Variants in NR1I2 observed in about 807,000 individuals in gnomAD.
The protein encoded by NR1I2 is orphan nuclear receptor PAR1.
In NR1I2, 42 loss-of-function variants were observed where a neutral mutation model predicts 43.3. The observed-to-expected ratio is 0.97, with a 90% CI of 0.76 to 1.26. NR1I2 has a LOEUF of 1.26. Among genes scored for constraint, NR1I2 ranks in the 50% most tolerant of loss-of-function variants. NR1I2 has a pLI of 0.00. For synonymous variants in NR1I2, 229 were observed against 215.0 expected, an observed-to-expected ratio of 1.06 and a Z score of -0.57; for missense variants, 559 against 566.7, an observed-to-expected ratio of 0.99 and a Z score of 0.14.
At chr3:119,786,470 C>T (rs4234666) in intron 1 of NR1I2, among the ~76,000 whole-genome samples, 1 of 152,092 alleles carries the variant, frequency 6.6e-6, no homozygotes, top group African/African-American at 2.4e-5. Context: ...ATCCAAATCC[C>T]TCATGTAATG....
chr3:119,797,247 C>A (rs2055014228), intron 1 of NR1I2, among the ~76,000 whole-genome samples: 1 of 148,562 alleles, frequency 6.7e-6, no homozygotes, highest in South Asian at 2.1e-4. Context: ...AGTCCTAATG[C>A]TCCTCCATTA....
rs1485413302 is a variant in NR1I2 at position 119,817,060 on chromosome 3, G to C, written c.1161-8G>C. 6.2e-7 allele frequency: 1 copy of C among 1,614,038 alleles called. No homozygotes were observed. The highest frequency in any genetic ancestry group is 8.5e-7 in the Non-Finnish European group (1 of 1,180,024). On this transcript the variant is annotated splice_region_variant and splice_polypyrimidine_tract_variant and intron_variant, in intron 8 of 8. Transcript: ENST00000393716. ...GCACCCACAATCTTTTCTCTGGCTG[G>C]CATGCAGGTTCTTGTTCCTGAAGAT...
At position 119,815,320 on chromosome 3, in the gene NR1I2, C is replaced by T. The variant is rs749815351; in HGVS notation, c.938-3C>T. The T allele has an allele frequency of 3.2e-5, 52 of 1,612,560 alleles. No homozygotes were observed. The highest frequency in any genetic ancestry group is 4.3e-5 in the Non-Finnish European group (51 of 1,178,734). On this transcript the variant is annotated splice_region_variant and splice_polypyrimidine_tract_variant and intron_variant, in intron 6 of 8. Coordinates refer to ENST00000393716, the MANE Select transcript of NR1I2 (RefSeq NM_003889.4). Reference sequence around the variant, plus strand: ...TGCCCCTCCATCCTGTTACCATCCACAGGTGGCTTCCAGCAACTTCTACTG... The same window carrying T: ...TGCCCCTCCATCCTGTTACCATCCATAGGTGGCTTCCAGCAACTTCTACTG...
At chr3:119,789,806 A>G (rs2054892508) in intron 1 of NR1I2, among the ~76,000 whole-genome samples, 1 of 152,080 alleles carries the variant, frequency 6.6e-6, no homozygotes. Flanking sequence ...CCAGTCTACT[A>G]TTTTGGCTTC....
chr3:119,786,278 C>G (rs1164378102), intron 1 of NR1I2, among the ~76,000 whole-genome samples: 10 of 152,172 alleles, frequency 6.6e-5, no homozygotes, highest in Non-Finnish European at 1.5e-4. Context: ...ATATTGGTGT[C>G]CTGGGCACAA....
intron 8 of NR1I2, among the ~76,000 whole-genome samples, chr3:119,816,571 A>G (rs980237707): frequency 2.0e-5 from 3 of 152,192 alleles, no homozygotes; most frequent in African/African-American, 7.2e-5. Context: ...CTATAATCCC[A>G]GCACTTTGAG....
chr3:119,815,305 T>G lies in NR1I2; in HGVS notation c.938-18T>G. ...AGCTTGCTGAGAAGCTGCCCCTCCA[T>G]CCTGTTACCATCCACAGGTGGCTTC... On this transcript the variant is annotated intron_variant, in intron 6 of 8. Transcript: ENST00000393716. The G allele has an allele frequency of 1.2e-6, 2 of 1,605,002 alleles. No homozygotes were observed. Among genetic ancestry groups the G allele is most frequent in the South Asian group, 1.1e-5 (1 of 90,896 alleles).
In NR1I2 at chr3:119,793,902, A is replaced by G. The variant is rs2054957121; in HGVS notation, c.-23+11602A>G. ...TTATGACATTTTTCTGAATTCTGTGATGTTGTTACTTGTCCTTTTTAATGT... is the reference window on the plus strand; with the variant it reads ...TTATGACATTTTTCTGAATTCTGTGGTGTTGTTACTTGTCCTTTTTAATGT... On this transcript the variant is annotated intron_variant, in intron 1 of 8. Coordinates refer to ENST00000393716, the MANE Select transcript of NR1I2 (RefSeq NM_003889.4). Among the ~76,000 whole-genome samples, 3 of 152,246 alleles carry G rather than the reference A, an allele frequency of 2.0e-5. 1 individual carries two copies. Among genetic ancestry groups the G allele is most frequent in the South Asian group, 2.1e-4 (1 of 4,826 alleles).
intron 2 of NR1I2, among the ~76,000 whole-genome samples, chr3:119,807,795 A>C (rs1413530791): frequency 2.6e-5 from 4 of 152,240 alleles, no homozygotes; most frequent in African/African-American, 9.6e-5. Flanking sequence ...AGAATGGCAT[A>C]AAATAAATGC....
intron 1 of NR1I2, among the ~76,000 whole-genome samples, chr3:119,783,475 T>C (rs2054805266): frequency 6.6e-6 from 1 of 152,126 alleles, no homozygotes; most frequent in Admixed American, 6.5e-5. Flanking sequence ...AAAGAGACAG[T>C]ATGGCCCACA....
chr3:119,800,480 T>C (rs1032882053), intron 1 of NR1I2, among the ~76,000 whole-genome samples: 3 of 152,256 alleles, frequency 2.0e-5, no homozygotes, highest in Non-Finnish European at 4.4e-5. Flanking sequence ...TTATGGGTCT[T>C]TTACTTTTCC....
chr3:119,791,829 C>A, intron 1 of NR1I2: 1 of 530,542 alleles, frequency 1.9e-6, no homozygotes, highest in South Asian at 1.5e-5. Flanking sequence ...ACATAGCTGC[C>A]AAGTGTTTGA....
chr3:119,786,224 C>T lies in NR1I2; in HGVS notation c.-23+3924C>T, dbSNP rs921840026. ...ATTCAAATTCTTAGTGTGGTTGCCA[C>T]GTTCTGTTTGTTGAGCCATCAGACT... On this transcript the variant is annotated intron_variant, in intron 1 of 8. Coordinates refer to ENST00000393716, the MANE Select transcript of NR1I2 (RefSeq NM_003889.4). Among the ~76,000 whole-genome samples the T allele has an allele frequency of 5.3e-5, 8 of 152,236 alleles. No individual in the cohort carries two copies. In the South Asian group the frequency reaches 1.2e-3, roughly 24 times the overall value.
intron 1 of NR1I2, among the ~76,000 whole-genome samples, chr3:119,801,757 C>T (rs529518877): frequency 6.6e-5 from 10 of 152,178 alleles, no homozygotes; most frequent in Non-Finnish European, 1.5e-4. Flanking sequence ...GGACCTTGGC[C>T]AAGGCTGCAG....
intron 1 of NR1I2, among the ~76,000 whole-genome samples, chr3:119,789,682 C>T (rs1052734130): frequency 6.6e-6 from 1 of 152,118 alleles, no homozygotes; most frequent in African/African-American, 2.4e-5. Context: ...GCTGCTTCTC[C>T]TCCTCACAAC....
rs778422709 is a variant in NR1I2, at chr3:119,817,145, G to A, written c.1238G>A (p.Arg413His). 1.5e-5 allele frequency: 25 copies of A among 1,614,138 alleles called. No individual in the cohort carries two copies. The highest frequency in any genetic ancestry group is 7.7e-5 in the South Asian group (7 of 91,080). Reference sequence around the variant, plus strand: ...GCTCAGCACACCCAGCGGCTGCTGCGCATCCAGGACATACACCCCTTTGCT... The same window carrying A: ...GCTCAGCACACCCAGCGGCTGCTGCACATCCAGGACATACACCCCTTTGCT... Residue 413 changes from arginine to histidine, a missense_variant, in exon 9 of 9, where the codon CGC (arginine) becomes CAC (histidine). This residue lies in a region of NR1I2 where 323 missense variants were observed against 312.2 expected (regional missense o/e 1.03). Coordinates refer to ENST00000393716, the MANE Select transcript of NR1I2 (RefSeq NM_003889.4).
In NR1I2 at chr3:119,817,563, G is replaced by T; in HGVS notation, c.*351G>T. 2 of 1,187,986 alleles carry T rather than the reference G, an allele frequency of 1.7e-6. No individual in the cohort carries two copies. The highest frequency in any genetic ancestry group is 1.8e-5 in the South Asian group (1 of 55,806). 73.6% of individuals were successfully genotyped at this position (1,187,986 alleles called of 1,614,324 possible). A position where few individuals can be genotyped will look rare whatever the true frequency, so the allele number is the denominator to read the frequency against. ...CCACTAAAGTGTCAAGGTGTGGAAG[G>T]GACCAAGCGACCAAGGATGGGCCAT... On this transcript the variant is annotated 3_prime_UTR_variant, in exon 9 of 9. Coordinates refer to ENST00000393716, the MANE Select transcript of NR1I2 (RefSeq NM_003889.4).
rs185311824 is a variant in NR1I2 at position 119,783,726 on chromosome 3, C to G, written c.-23+1426C>G. On this transcript the variant is annotated intron_variant, in intron 1 of 8. Coordinates refer to ENST00000393716, the MANE Select transcript of NR1I2 (RefSeq NM_003889.4). ...ATTCACCTTTGGCCATTCTGTCAAT[C>G]CTAATCTCCAGTTTCCCCAAAAGTA... is the stretch of plus-strand genomic sequence containing the variant. 1.1e-4 allele frequency among the ~76,000 whole-genome samples: 16 copies of G among 152,320 alleles called. No homozygotes were observed. The East Asian group carries it at 2.9e-3, about 28-fold the overall frequency.
chr3:119,786,279 C>T (rs1293843765), intron 1 of NR1I2, among the ~76,000 whole-genome samples: 1 of 152,150 alleles, frequency 6.6e-6, no homozygotes, highest in African/African-American at 2.4e-5. Context: ...TATTGGTGTC[C>T]TGGGCACAAC....
Sources: allele counts gnomAD v4.1 joint callset (sites outside exome capture counted in the v4.1 genomes callset), GRCh38; gene constraint gnomAD v4.1.1; regional missense constraint gnomAD v4.1.1; transcripts MANE v1.5; gene names NCBI Gene and HGNC (gene_info 2026-07-23, HGNC 2026-07-21).